The following SFT2D1 variants were observed in gnomAD, a reference collection of about 807,000 sequenced individuals.
SFT2D1 encodes vesicle transport protein SFT2A.
Under a neutral mutation model 28.1 loss-of-function variants are expected in SFT2D1, and 24 were observed. The observed-to-expected ratio is 0.85, with a 90% CI of 0.62 to 1.20. The LOEUF (loss-of-function observed/expected upper bound fraction) is 1.20. Ranked by LOEUF, SFT2D1 falls within the 50% of genes most tolerant of loss-of-function variation. SFT2D1 has a pLI of 0.00. For synonymous variants in SFT2D1, 82 were observed against 73.7 expected, an observed-to-expected ratio of 1.11 and a Z score of -0.58; for missense variants, 181 against 190.9, an observed-to-expected ratio of 0.95 and a Z score of 0.31.
intron 7 of SFT2D1, among the ~76,000 whole-genome samples, chr6:166,320,789 T>C (rs1179758745): frequency 6.6e-6 from 1 of 152,050 alleles, no homozygotes; most frequent in Non-Finnish European, 1.5e-5. Flanking sequence ...AATGCTGGGA[T>C]TACAGGGATG....
intron 3 of SFT2D1, 76 bp from the exon 4 acceptor site, chr6:166,328,433 T>A (rs9459653): frequency 0.48 from 379,189 of 789,562 alleles, 95,953 homozygotes; most frequent in South Asian, 0.58. Flanking sequence ...ACTACTTTTT[T>A]AAAAAAGAAG....
intron 1 of SFT2D1, among the ~76,000 whole-genome samples, chr6:166,338,436 A>T (rs1778703555): frequency 6.6e-6 from 1 of 152,222 alleles, no homozygotes; most frequent in Non-Finnish European, 1.5e-5. Flanking sequence ...AAAATGGGCA[A>T]TAAACTAATG....
chr6:166,322,524 T>C (rs1445880715), intron 7 of SFT2D1, among the ~76,000 whole-genome samples: 4 of 151,750 alleles, frequency 2.6e-5, no homozygotes, highest in Non-Finnish European at 5.9e-5. Flanking sequence ...ATCCCGTCTC[T>C]ACTAAAATAC....
chr6:166,342,206 G>GA (rs956366426), intron 1 of SFT2D1, among the ~76,000 whole-genome samples: 1 of 152,040 alleles, frequency 6.6e-6, no homozygotes, highest in Admixed American at 6.6e-5. Context: ...GAGTCGGGGG[G>GA]GGGCCTCAAA....
intron 1 of SFT2D1, among the ~76,000 whole-genome samples, chr6:166,341,095 A>G (rs1293460936): frequency 6.6e-6 from 1 of 152,190 alleles, no homozygotes; most frequent in East Asian, 1.9e-4. Context: ...AACATGTGAA[A>G]TGTGGTTGCT....
intron 1 of SFT2D1, chr6:166,334,731 T>A (rs1778613677): frequency 5.9e-6 from 2 of 339,242 alleles, no homozygotes; most frequent in South Asian, 5.8e-5. Context: ...AGTCATGAGA[T>A]CCAAGCACCA....
intron 5 of SFT2D1, chr6:166,325,914 CAT>C (rs1778436455): frequency 8.4e-6 from 5 of 595,150 alleles, no homozygotes; most frequent in South Asian, 2.2e-5. Flanking sequence ...CATGTGTGCA[CAT>C]GTGTGTTCAC....
Position 166,342,539 on chromosome 6 carries a change from A to C in SFT2D1, c.-58T>G. 1.4e-6 allele frequency: 2 copies of C among 1,430,018 alleles called. No homozygotes were observed. The highest frequency in any genetic ancestry group is 1.9e-6 in the Non-Finnish European group (2 of 1,043,682). The allele number at this position is 1,430,018 out of a possible 1,614,324, so 88.6% of individuals were successfully genotyped here. A position where few individuals can be genotyped will look rare whatever the true frequency, so the allele number is the denominator to read the frequency against. On this transcript the variant is annotated 5_prime_UTR_variant, in exon 1 of 8. Transcript: ENST00000361731. ...CTGTTGCCTGCCCCTGACGCCCACC[A>C]GGAAACCCCGAACCCGAAACCCCAC... is the stretch of plus-strand genomic sequence containing the variant.
chr6:166,337,162 C>G (rs1373396985), intron 1 of SFT2D1, among the ~76,000 whole-genome samples: 1 of 152,210 alleles, frequency 6.6e-6, no homozygotes, highest in Non-Finnish European at 1.5e-5. Flanking sequence ...CTTCGGCCCA[C>G]CACACTTTTT....
chr6:166,338,375 T>C (rs986507287), intron 1 of SFT2D1, among the ~76,000 whole-genome samples: 1 of 152,116 alleles, frequency 6.6e-6, no homozygotes, highest in Non-Finnish European at 1.5e-5. Flanking sequence ...AGGTTCTACA[T>C]ACACAGAAAG....
At chr6:166,335,800 C>T (rs544648065) in intron 1 of SFT2D1, among the ~76,000 whole-genome samples, 9 of 152,276 alleles carry the variant, frequency 5.9e-5, no homozygotes, top group African/African-American at 1.9e-4. Flanking sequence ...GCCAGAGAAG[C>T]GATAGGGAAG....
chr6:166,341,220 C>T (rs759196907), intron 1 of SFT2D1, among the ~76,000 whole-genome samples: 13 of 151,936 alleles, frequency 8.6e-5, no homozygotes, highest in African/African-American at 2.4e-4. Context: ...TCAAGGTGGG[C>T]GGATCACTTG....
At position 166,342,540 on chromosome 6, in the gene SFT2D1, G is replaced by C; in HGVS notation, c.-59C>G. The C allele has an allele frequency of 4.2e-6, 6 of 1,425,814 alleles. No homozygotes were observed. The South Asian group carries it at 6.2e-5, about 15-fold the overall frequency. 88.3% of individuals were successfully genotyped at this position (1,425,814 alleles called of 1,614,324 possible). On this transcript the variant is annotated 5_prime_UTR_variant, in exon 1 of 8. Coordinates refer to ENST00000361731, the MANE Select transcript of SFT2D1 (RefSeq NM_145169.3). Reference sequence around the variant, plus strand: ...TGTTGCCTGCCCCTGACGCCCACCAGGAAACCCCGAACCCGAAACCCCACA... The same window carrying C: ...TGTTGCCTGCCCCTGACGCCCACCACGAAACCCCGAACCCGAAACCCCACA...
intron 2 of SFT2D1, 21 bp downstream of exon 2, chr6:166,330,140 C>A: frequency 1.3e-6 from 2 of 1,509,268 alleles, no homozygotes; most frequent in Non-Finnish European, 1.8e-6. Context: ...AATTATTAAA[C>A]AATATAAAGC....
chr6:166,334,419 T>C (rs12198613), intron 1 of SFT2D1: 32,303 of 152,706 alleles, frequency 0.21, 3,653 homozygotes, highest in East Asian at 0.34. Flanking sequence ...TGGCGAGTCC[T>C]CCATCTCTAC....
intron 4 of SFT2D1, 96 bp downstream of exon 4, chr6:166,328,172 TAAAAATAA>T: frequency 2.0e-6 from 1 of 489,432 alleles, no homozygotes. Flanking sequence ...TAAAAAAAAA[TAAAAATAA>T]AAAAAGAAGT....
intron 1 of SFT2D1, among the ~76,000 whole-genome samples, chr6:166,338,258 T>C (rs1245765258): frequency 6.6e-6 from 1 of 152,228 alleles, no homozygotes; most frequent in Non-Finnish European, 1.5e-5. Flanking sequence ...AATTACCTTA[T>C]GCCAATGCCC....
Position 166,322,429 on chromosome 6 carries a change from C to T in SFT2D1, c.440+428G>A, listed in dbSNP as rs567133428. Among the ~76,000 whole-genome samples, 20 of 152,122 alleles carry T rather than the reference C, an allele frequency of 1.3e-4. No individual in the cohort carries two copies. The East Asian group carries it at 3.9e-3, about 30-fold the overall frequency. On this transcript the variant is annotated intron_variant, in intron 7 of 7. Coordinates refer to ENST00000361731, the MANE Select transcript of SFT2D1 (RefSeq NM_145169.3). ...GTTTACTGCCGGGCGCGGTGGCTCA[C>T]GGTTGTAATCCCAGCACTTTGGGAG... is the stretch of plus-strand genomic sequence containing the variant.
At position 166,322,849 on chromosome 6, in the gene SFT2D1, A is replaced by G; in HGVS notation, c.440+8T>C. 1 of 1,608,528 alleles carries G rather than the reference A, an allele frequency of 6.2e-7. No individual in the cohort carries two copies. The highest frequency in any genetic ancestry group is 2.2e-5 in the East Asian group (1 of 44,840). On this transcript the variant is annotated splice_region_variant and intron_variant, in intron 7 of 7. Coordinates refer to ENST00000361731, the MANE Select transcript of SFT2D1 (RefSeq NM_145169.3). The stretch of plus-strand genomic sequence containing the variant: ...ACCAGAAAGAAGACAAGATTCAAAC[A>G]AGCTTACCTTGCATATGGGATGTAC...
Sources: gnomAD v4.1 joint callset for allele counts (sites outside exome capture counted in the v4.1 genomes callset) on GRCh38, gnomAD v4.1.1 for gene constraint, MANE v1.5 for transcripts, NCBI Gene and HGNC (gene_info 2026-07-23, HGNC 2026-07-21) for gene names.